The following EYS variants were observed in gnomAD, a reference collection of about 807,000 sequenced individuals.
EYS encodes EGF-like photoreceptor maintenance factor, also known as protein eyes shut homolog.
A neutral mutation model predicts 282.1 loss-of-function variants in EYS; 250 were observed. The ratio of observed to expected loss-of-function variants is 0.89; its 90% CI spans 0.80 to 0.98. EYS has a LOEUF of 0.98. Ranked by LOEUF, EYS falls within the 50% of genes least tolerant of loss-of-function variation. EYS has a pLI of 0.00. For missense variants in EYS, 4,016 were observed against 3,709.0 expected (o/e 1.08, Z -2.15); for synonymous variants, 1,355 against 1,282.9 (o/e 1.06, Z -1.20).
chr6:64,666,227 C>A (rs1029760047), intron 22 of EYS, among the ~76,000 whole-genome samples: 2 of 152,062 alleles, frequency 1.3e-5, no homozygotes, highest in Non-Finnish European at 2.9e-5. Context: ...TTCAAGTGTA[C>A]CCCCAAACCT....
intron 12 of EYS, among the ~76,000 whole-genome samples, chr6:65,287,707 G>C (rs963361849): frequency 2.0e-5 from 3 of 151,190 alleles, no homozygotes; most frequent in Non-Finnish European, 4.5e-5. Context: ...TACTTTCCAT[G>C]AGTCTGTAAT....
intron 26 of EYS, among the ~76,000 whole-genome samples, chr6:64,504,490 C>T (rs1334777161): frequency 6.6e-6 from 1 of 152,074 alleles, no homozygotes; most frequent in African/African-American, 2.4e-5. Flanking sequence ...GAAATATTGG[C>T]CGACTACCAT....
At chr6:64,309,218 G>A (rs1180788845) in intron 29 of EYS, among the ~76,000 whole-genome samples, 1 of 151,984 alleles carries the variant, frequency 6.6e-6, no homozygotes, top group African/African-American at 2.4e-5. Flanking sequence ...ATAAAAAAAG[G>A]GGAAACTGAT....
chr6:64,259,654 A>ACG lies in EYS; in HGVS notation c.6192-28831_6192-28830insCG, dbSNP rs1369732331. Among the ~76,000 whole-genome samples, 14 of 100,272 alleles carry ACG rather than the reference A, an allele frequency of 1.4e-4. No individual in the cohort carries two copies. The East Asian group carries it at 3.4e-3, about 24-fold the overall frequency. 65.8% of individuals were successfully genotyped at this position (100,272 alleles called of 152,430 possible). A position where few individuals can be genotyped will look rare whatever the true frequency, so the allele number is the denominator to read the frequency against. ...TCCCAGTACTTTTACACACGCGCAC[A>ACG]CACACACACACACACACACACAATC... On this transcript the variant is annotated intron_variant, in intron 30 of 42. Transcript: ENST00000503581.
At chr6:64,918,025 A>T (rs1272201588) in intron 15 of EYS, among the ~76,000 whole-genome samples, 1 of 152,094 alleles carries the variant, frequency 6.6e-6, no homozygotes, top group Non-Finnish European at 1.5e-5. Context: ...TAATTCATTC[A>T]TTATTTTATT....
intron 19 of EYS, among the ~76,000 whole-genome samples, chr6:64,826,136 T>C (rs941637561): frequency 6.6e-6 from 1 of 151,866 alleles, no homozygotes; most frequent in Non-Finnish European, 1.5e-5. Context: ...TATTTATGTG[T>C]CAATCAGAGT....
At chr6:63,742,248 C>T (rs912870510) in intron 41 of EYS, among the ~76,000 whole-genome samples, 19 of 152,048 alleles carry the variant, frequency 1.2e-4, no homozygotes, top group Admixed American at 8.5e-4. Context: ...TTTAAGGTGA[C>T]TCATGCCTGC....
chr6:65,279,969 G>A (rs1046328165), intron 12 of EYS, among the ~76,000 whole-genome samples: 1 of 152,072 alleles, frequency 6.6e-6, no homozygotes. Context: ...CTCAGGAAAG[G>A]AGGCTTTCCT....
intron 31 of EYS, among the ~76,000 whole-genome samples, chr6:64,198,581 G>T (rs549261990): frequency 6.6e-6 from 1 of 151,974 alleles, no homozygotes; most frequent in African/African-American, 2.4e-5. Context: ...GTGGTGTTTG[G>T]TTTTCTGTTC....
chr6:63,768,316 A>T (rs947030883), intron 40 of EYS, among the ~76,000 whole-genome samples: 1 of 152,094 alleles, frequency 6.6e-6, no homozygotes, highest in Non-Finnish European at 1.5e-5. Flanking sequence ...AAATATTCAC[A>T]CACTACACAA....
intron 36 of EYS, among the ~76,000 whole-genome samples, chr6:63,835,161 C>G (rs1771769507): frequency 6.6e-6 from 1 of 151,292 alleles, no homozygotes; most frequent in Non-Finnish European, 1.5e-5. Context: ...TGTAACAAAC[C>G]TGCACATTGT....
intron 22 of EYS, among the ~76,000 whole-genome samples, chr6:64,657,957 C>T (rs1040339883): frequency 3.3e-5 from 5 of 152,284 alleles, no homozygotes; most frequent in Middle Eastern, 3.4e-3. Flanking sequence ...TGTTTTCCAA[C>T]GTGGTTCCAT....
chr6:64,365,097 A>C (rs1029433972), intron 29 of EYS, among the ~76,000 whole-genome samples: 2 of 152,002 alleles, frequency 1.3e-5, no homozygotes, highest in African/African-American at 2.4e-5. Flanking sequence ...TAAAATGATC[A>C]AAGAAAGAAA....
chr6:63,919,196 G>T (rs1764500309), intron 35 of EYS, among the ~76,000 whole-genome samples: 1 of 152,020 alleles, frequency 6.6e-6, no homozygotes, highest in South Asian at 2.1e-4. Context: ...GTTTGGGGCA[G>T]GTATTGACAG....
chr6:65,089,024 T>C (rs1253679380), intron 12 of EYS, among the ~76,000 whole-genome samples: 15 of 152,150 alleles, frequency 9.9e-5, no homozygotes. Context: ...TGGGAACCTC[T>C]ACCTAGATAT....
chr6:65,404,171 A>G (rs1378044735), intron 6 of EYS, among the ~76,000 whole-genome samples: 1 of 151,928 alleles, frequency 6.6e-6, no homozygotes, highest in African/African-American at 2.4e-5. Context: ...CCCTTCCTCC[A>G]TCTTTAAAAC....
chr6:65,447,083 TTG>T (rs1768690275), intron 5 of EYS, among the ~76,000 whole-genome samples: 2 of 151,338 alleles, frequency 1.3e-5, no homozygotes, highest in South Asian at 4.1e-4. Flanking sequence ...TTTATATATT[TTG>T]TAAGCTAAAA....
chr6:64,344,317 T>G (rs1771275353), intron 29 of EYS, among the ~76,000 whole-genome samples: 1 of 151,888 alleles, frequency 6.6e-6, no homozygotes, highest in East Asian at 1.9e-4. Context: ...AATAAAATAC[T>G]GGCAAACCGA....
chr6:63,734,050 C>T (rs566625688), intron 41 of EYS, among the ~76,000 whole-genome samples: 140 of 152,024 alleles, frequency 9.2e-4, no homozygotes, highest in Non-Finnish European at 1.7e-3. Flanking sequence ...TGTGTGTTCT[C>T]ATAAGTGGGA....
Sources: gnomAD v4.1 joint callset for allele counts (sites outside exome capture counted in the v4.1 genomes callset) on GRCh38, gnomAD v4.1.1 for gene constraint, MANE v1.5 for transcripts, NCBI Gene and HGNC (gene_info 2026-07-23, HGNC 2026-07-21) for gene names.